The following TENM3 variants were observed in gnomAD, a reference collection of about 807,000 sequenced individuals.
TENM3 encodes the protein teneurin-3.
A neutral mutation model predicts 255.1 loss-of-function variants in TENM3; 63 were observed. The observed-to-expected ratio is 0.25, with a 90% CI of 0.20 to 0.30. The LOEUF (loss-of-function observed/expected upper bound fraction) is 0.30. Among genes scored for constraint, TENM3 ranks in the 10% least tolerant of loss-of-function variants. The probability of loss-of-function intolerance (pLI) is 1.00; values close to 1 mark genes in which losing one functional copy is unlikely to be tolerated. For synonymous variants in TENM3, 1,306 were observed against 1,322.3 expected (o/e 0.99, Z 0.27); for missense variants, 2,929 against 3,461.1 (o/e 0.85, Z 3.86).
rs1766977224 is a variant in TENM3, at chr4:182,801,648, GA to G, written c.*1300del. 6.6e-6 allele frequency: 1 copy of G among 152,224 alleles called. No homozygotes were observed. The highest frequency in any genetic ancestry group is 1.5e-5 in the Non-Finnish European group (1 of 68,070). 9.4% of individuals were successfully genotyped at this position (152,224 alleles called of 1,614,324 possible). On this transcript the variant is annotated 3_prime_UTR_variant, in exon 28 of 28. Transcript: ENST00000511685. ...CCTAAACACGTGTCTTAAGATCTAG[GA>G]AAGACAGCAGAAACCGAGCAGTGGT...
At chr4:181,797,973 T>C in the TENM3 span, among the ~76,000 whole-genome samples, 101 of 152,332 alleles carry the variant, frequency 6.6e-4, 1 homozygote, top group East Asian at 0.017. Context: ...GAATGGATGA[T>C]AGAATCTGCA....
chr4:182,187,704 G>T (rs971124753), intron 1 of TENM3, among the ~76,000 whole-genome samples: 5 of 151,840 alleles, frequency 3.3e-5, no homozygotes, highest in Admixed American at 6.6e-5. Context: ...TAAGTCAGTG[G>T]CTTAAAAAAA....
At chr4:182,040,868 G>C in the TENM3 span, among the ~76,000 whole-genome samples, 5 of 152,058 alleles carry the variant, frequency 3.3e-5, no homozygotes, top group African/African-American at 4.8e-5. Context: ...TGTAAGGTGA[G>C]GATCAGGGAA....
chr4:182,730,770 G>A, intron 15 of TENM3, 108 bp from the exon 16 acceptor site: 1 of 1,173,054 alleles, frequency 8.5e-7, no homozygotes. Context: ...TATAAAAGTT[G>A]GGAGAAAAAG....
At chr4:181,801,649 AAAATATATAT>A in the TENM3 span, among the ~76,000 whole-genome samples, 108 of 113,416 alleles carry the variant, frequency 9.5e-4, no homozygotes, top group African/African-American at 3.2e-3. Context: ...AAAGAATTGT[AAAATATATAT>A]ATATATATAT....
the TENM3 span, among the ~76,000 whole-genome samples, chr4:181,822,006 T>G: frequency 6.6e-6 from 1 of 152,212 alleles, no homozygotes; most frequent in Non-Finnish European, 1.5e-5. Flanking sequence ...ATACATTGCA[T>G]TATATAATGG....
At chr4:182,126,715 T>C in the TENM3 span, among the ~76,000 whole-genome samples, 4 of 152,296 alleles carry the variant, frequency 2.6e-5, no homozygotes, top group African/African-American at 9.6e-5. Context: ...GTACTATGCA[T>C]TGATTCACCC....
In TENM3 at chr4:182,775,148, C is replaced by T; in HGVS notation, c.5299C>T (p.Leu1767Phe). 6.2e-7 allele frequency: 1 copy of T among 1,613,874 alleles called. No individual in the cohort carries two copies. Among genetic ancestry groups the T allele is most frequent in the Non-Finnish European group, 8.5e-7 (1 of 1,179,776 alleles). The change falls in exon 24 of 28, where the codon CTC (leucine) becomes TTC (phenylalanine). Residue 1767 changes from leucine (L) to phenylalanine (F), a missense_variant. Transcript: ENST00000511685. ...QGKVNVFGRK[L>F]RVNGRNLLSV... ...GAAAGTCAATGTCTTTGGCCGCAAG[C>T]TCAGGGTACGTACGTGTTGTGGAGC...
chr4:182,656,507 G>A (rs761197175), intron 6 of TENM3, among the ~76,000 whole-genome samples: 5 of 152,010 alleles, frequency 3.3e-5, no homozygotes, highest in East Asian at 3.9e-4. Context: ...TTCGGCTTTC[G>A]TGATGAACCT....
At chr4:182,108,786 G>A in the TENM3 span, among the ~76,000 whole-genome samples, 1 of 152,124 alleles carries the variant, frequency 6.6e-6, no homozygotes, top group African/African-American at 2.4e-5. Flanking sequence ...CCCCCTTAGG[G>A]TTCCTTGAAT....
At chr4:181,822,191 T>C in the TENM3 span, among the ~76,000 whole-genome samples, 1 of 152,156 alleles carries the variant, frequency 6.6e-6, no homozygotes, top group Non-Finnish European at 1.5e-5. Context: ...TCTCCAGAAA[T>C]TGCTTGTCAG....
chr4:181,587,936 A>G, the TENM3 span, among the ~76,000 whole-genome samples: 2 of 152,110 alleles, frequency 1.3e-5, no homozygotes, highest in African/African-American at 4.8e-5. Flanking sequence ...TGACAGGGGT[A>G]AGGAGCAGTT....
chr4:181,855,106 A>G, the TENM3 span, among the ~76,000 whole-genome samples: 4 of 152,196 alleles, frequency 2.6e-5, no homozygotes, highest in East Asian at 5.8e-4. Context: ...ACGTTGATGC[A>G]ATATTATTTT....
the TENM3 span, among the ~76,000 whole-genome samples, chr4:181,702,544 A>G: frequency 6.6e-6 from 1 of 152,192 alleles, no homozygotes. Flanking sequence ...ATATATACAG[A>G]TTTCTTTTTT....
chr4:181,457,819 A>G, the TENM3 span, among the ~76,000 whole-genome samples: 69,349 of 151,604 alleles, frequency 0.46, 16,385 homozygotes, highest in African/African-American at 0.55. Flanking sequence ...TAATCAGATG[A>G]CCTGTAATTA....
At chr4:182,066,491 A>G in the TENM3 span, among the ~76,000 whole-genome samples, 1 of 152,062 alleles carries the variant, frequency 6.6e-6, no homozygotes, top group Non-Finnish European at 1.5e-5. Flanking sequence ...TCCATTAGGG[A>G]ACGAATTTAA....
intron 1 of TENM3, among the ~76,000 whole-genome samples, chr4:182,185,269 C>T (rs1423600168): frequency 6.6e-6 from 1 of 152,172 alleles, no homozygotes; most frequent in Non-Finnish European, 1.5e-5. Context: ...GTGCCATCTT[C>T]GGCTTCTGAT....
chr4:182,004,572 T>A, the TENM3 span, among the ~76,000 whole-genome samples: 2 of 152,214 alleles, frequency 1.3e-5, no homozygotes, highest in African/African-American at 4.8e-5. Context: ...TGATTTATAT[T>A]CCTTTGGGTA....
intron 3 of TENM3, among the ~76,000 whole-genome samples, chr4:182,413,564 C>A (rs1382685726): frequency 6.6e-6 from 1 of 151,090 alleles, no homozygotes; most frequent in Non-Finnish European, 1.5e-5. Context: ...TGCAGTGAGT[C>A]AAGATCATGC....
Sources: allele counts gnomAD v4.1 joint callset (sites outside exome capture counted in the v4.1 genomes callset), GRCh38; gene constraint gnomAD v4.1.1; transcripts MANE v1.5; gene names NCBI Gene and HGNC (gene_info 2026-07-23, HGNC 2026-07-21).